ZNF121: variants seen among roughly 807,000 people sequenced by gnomAD.
ZNF121 encodes the protein zinc finger protein 121, also known as zinc finger protein 121 (clone ZHC32).
Under a neutral mutation model 2.4 loss-of-function variants are expected in ZNF121, and 1 was observed. That is an observed-to-expected ratio of 0.41 (90% CI 0.15 to 1.94). The LOEUF is 1.94. ZNF121 is among the 30% of genes most tolerant of loss of function. ZNF121 has a pLI of 0.30. For missense variants in ZNF121, 369 were observed against 466.3 expected, an observed-to-expected ratio of 0.79 and a Z score of 1.92; for synonymous variants, 173 against 158.6, an observed-to-expected ratio of 1.09 and a Z score of -0.68.
At chr19:9,568,027 T>G in intron 3 of ZNF121, 68 bp downstream of exon 3, 4 of 1,480,482 alleles carry the variant, frequency 2.7e-6, no homozygotes, top group Non-Finnish European at 3.7e-6. Context: ...TCTCTCATTT[T>G]TGCTGATTTT....
intron 1 of ZNF121, among the ~76,000 whole-genome samples, chr19:9,572,522 T>C (rs1199119021): frequency 6.6e-6 from 1 of 152,156 alleles, no homozygotes. Context: ...AACTCTGTTT[T>C]ATAACTTGGC....
In ZNF121 at chr19:9,562,355, G is replaced by A. The variant is rs1487451251; in HGVS notation, c.*3585C>T. 4.3e-5 allele frequency: 8 copies of A among 183,958 alleles called. No homozygotes were observed. Among genetic ancestry groups the A allele is most frequent in the African/African-American group, 7.2e-5 (3 of 41,918 alleles). 11.4% of individuals were successfully genotyped at this position (183,958 alleles called of 1,614,324 possible). On this transcript the variant is annotated 3_prime_UTR_variant, in exon 4 of 4. Transcript: ENST00000320451. Reference sequence around the variant, plus strand: ...AATTTTTTGTATTTTTAGTAGAGACGGGGTTTCACCATGGTGGCCAGGCTG... The same window carrying A: ...AATTTTTTGTATTTTTAGTAGAGACAGGGTTTCACCATGGTGGCCAGGCTG...
Position 9,560,386 on chromosome 19 carries a change from C to T in ZNF121, c.*5554G>A, listed in dbSNP as rs2074094552. The T allele has an allele frequency of 6.6e-6, 1 of 152,162 alleles. No homozygotes were observed. The highest frequency in any genetic ancestry group is 2.1e-4 in the South Asian group (1 of 4,836). 9.4% of individuals were successfully genotyped at this position (152,162 alleles called of 1,614,324 possible). A position where few individuals can be genotyped will look rare whatever the true frequency, so the allele number is the denominator to read the frequency against. ...CACATAAAATTTACCCTTTCACATA[C>T]TTTGTGTGTACCGAAGAGTATTGTT... On this transcript the variant is annotated 3_prime_UTR_variant, in exon 4 of 4. Transcript: ENST00000320451.
Position 9,560,420 on chromosome 19 carries a change from G to T in ZNF121, c.*5520C>A, listed in dbSNP as rs1006006128. On this transcript the variant is annotated 3_prime_UTR_variant, in exon 4 of 4. Coordinates refer to ENST00000320451, the MANE Select transcript of ZNF121 (RefSeq NM_001008727.5). ...TACCGAAGAGTATTGTTAACTATAG[G>T]CATATTTTTATACAACAAATCTCAA... 6.6e-6 allele frequency: 1 copy of T among 151,954 alleles called. No individual in the cohort carries two copies. The highest frequency in any genetic ancestry group is 6.6e-5 in the Admixed American group (1 of 15,256). The allele number at this position is 151,954 out of a possible 1,614,324, so 9.4% of individuals were successfully genotyped here.
chr19:9,572,712 G>A (rs2074182597), intron 1 of ZNF121, among the ~76,000 whole-genome samples: 1 of 152,194 alleles, frequency 6.6e-6, no homozygotes, highest in African/African-American at 2.4e-5. Context: ...AAAGGCAAAC[G>A]TGGGTTTAAG....
chr19:9,562,858 C>T lies in ZNF121; in HGVS notation c.*3082G>A, dbSNP rs2074108101. 1 of 139,608 alleles carries T rather than the reference C, an allele frequency of 7.2e-6. No homozygotes were observed. 8.6% of individuals were successfully genotyped at this position (139,608 alleles called of 1,614,324 possible). A position where few individuals can be genotyped will look rare whatever the true frequency, so the allele number is the denominator to read the frequency against. ...CTTGAGGTTTTAAGTTCAAGATCAG[C>T]CGGGTAAACAGTAAAGTCCTGCCTC... On this transcript the variant is annotated 3_prime_UTR_variant, in exon 4 of 4. Transcript: ENST00000320451.
Position 9,566,963 on chromosome 19 carries a change from C to T in ZNF121, c.150G>A (p.Met50Ile). 6.2e-7 allele frequency: 1 copy of T among 1,614,204 alleles called. No homozygotes were observed. Among genetic ancestry groups the T allele is most frequent in the Non-Finnish European group, 8.5e-7 (1 of 1,180,034 alleles). ...CTCCAGCAGGGGCACTGTTGTGTAA[C>T]ATGGGAAAGTTTTCTCCATACTCAT... is the stretch of plus-strand genomic sequence containing the variant. ...DCDEYGENFP[M>I]LHNSAPAGET... Residue 50 changes from methionine (M) to isoleucine (I), a missense_variant, in exon 4 of 4, where the codon ATG becomes ATA. Met to Ile is a conservative substitution (Grantham distance 10, BLOSUM62 1). Transcript: ENST00000320451.
chr19:9,569,455 T>A (rs553592095), intron 1 of ZNF121, among the ~76,000 whole-genome samples: 1 of 151,750 alleles, frequency 6.6e-6, no homozygotes, highest in South Asian at 2.1e-4. Context: ...TTAAAAAAAA[T>A]AAAATAAAAA....
Position 9,566,069 on chromosome 19 carries a change from G to A in ZNF121, c.1044C>T (p.Thr348=). Residue 348 remains threonine, a synonymous_variant, in exon 4 of 4, where the codon ACC becomes ACT. Transcript: ENST00000320451. ...TCTGTAGATGTGAAGAAGCACGGAA[G>A]GTTTTCCCACATTCCTTACATATAT... ...KPYICKECGK[T]FRASSHLQKH... 1.9e-6 allele frequency: 3 copies of A among 1,613,926 alleles called. No homozygotes were observed. The highest frequency in any genetic ancestry group is 2.5e-6 in the Non-Finnish European group (3 of 1,179,960).
In ZNF121 at chr19:9,565,816, A is replaced by C. The variant is rs2074127492; in HGVS notation, c.*124T>G. The C allele has an allele frequency of 1.4e-6, 1 of 698,172 alleles. No homozygotes were observed. The allele number at this position is 698,172 out of a possible 1,614,324, so 43.2% of individuals were successfully genotyped here. On this transcript the variant is annotated 3_prime_UTR_variant, in exon 4 of 4. Coordinates refer to ENST00000320451, the MANE Select transcript of ZNF121 (RefSeq NM_001008727.5). Reference sequence around the variant, plus strand: ...CATGTCTTCGAAGTGAATGGGGATAACTGAAGGCCTCCTCACATTCTTTGT... The same window carrying C: ...CATGTCTTCGAAGTGAATGGGGATACCTGAAGGCCTCCTCACATTCTTTGT...
intron 1 of ZNF121, among the ~76,000 whole-genome samples, chr19:9,574,709 CA>C (rs1408302762): frequency 1.6e-4 from 24 of 152,272 alleles, no homozygotes; most frequent in African/African-American, 5.5e-4. Flanking sequence ...CTGAGAAAGG[CA>C]AAAACATCTT....
At chr19:9,567,688 G>A in intron 3 of ZNF121, 2 of 337,704 alleles carry the variant, frequency 5.9e-6, no homozygotes, top group Non-Finnish European at 1.2e-5. Flanking sequence ...TTGTTTTCCT[G>A]CAACTAGACA....
intron 1 of ZNF121, among the ~76,000 whole-genome samples, chr19:9,575,812 T>C (rs2074206575): frequency 6.6e-6 from 1 of 151,958 alleles, no homozygotes; most frequent in African/African-American, 2.4e-5. Flanking sequence ...ATATAACAAC[T>C]GTCAATATTT....
intron 1 of ZNF121, among the ~76,000 whole-genome samples, chr19:9,575,226 C>A (rs2074202111): frequency 6.6e-6 from 1 of 151,990 alleles, no homozygotes. Flanking sequence ...TAGAGACCAG[C>A]GTGGTCAACA....
In ZNF121 at chr19:9,582,822, G is replaced by GA. The variant is rs1020111735; in HGVS notation, c.-160+1638dup. Among the ~76,000 whole-genome samples, 12 of 147,810 alleles carry GA rather than the reference G, an allele frequency of 8.1e-5. No homozygotes were observed. In the South Asian group the frequency reaches 2.3e-3, roughly 29 times the overall value. On this transcript the variant is annotated intron_variant, in intron 1 of 3. Transcript: ENST00000320451. ...GTTTTCCCTAGGATCAAATTTTTCA[G>GA]AAAAAAATGTCAAAACTACACTTAG... is the stretch of plus-strand genomic sequence containing the variant.
chr19:9,566,698 T>C lies in ZNF121; in HGVS notation c.415A>G (p.Thr139Ala). Residue 139 changes from threonine (T) to alanine (A), a missense_variant, in exon 4 of 4, where the codon ACT (threonine) becomes GCT (alanine). Physicochemically the swap from Thr to Ala is moderately conservative, Grantham distance 58. Coordinates refer to ENST00000320451, the MANE Select transcript of ZNF121 (RefSeq NM_001008727.5). ...TSHAVSVKMH[T>A]VEKPYECKEC... ...TTACATTCGTAGGGTTTTTCTACAG[T>C]ATGCATTTTAACAGACACAGCATGG... 10 of 1,614,216 alleles carry C rather than the reference T, an allele frequency of 6.2e-6. No homozygotes were observed. Among genetic ancestry groups the C allele is most frequent in the Non-Finnish European group, 8.5e-6 (10 of 1,180,032 alleles).
chr19:9,569,926 ATC>A (rs951051153), intron 1 of ZNF121, among the ~76,000 whole-genome samples: 6 of 140,336 alleles, frequency 4.3e-5, no homozygotes, highest in South Asian at 2.3e-4. Flanking sequence ...GTAGTATTAC[ATC>A]TCTCTCTCTC....
chr19:9,568,181 G>T lies in ZNF121; in HGVS notation c.-78-6C>A. On this transcript the variant is annotated splice_region_variant and splice_polypyrimidine_tract_variant and intron_variant, in intron 2 of 3. Transcript: ENST00000320451. ...TTTGGTTTTAACTTGCCATTCTGAA[G>T]TAAAACAGAAAAAAAGAAAAAAAAA... 7.2e-7 allele frequency: 1 copy of T among 1,394,200 alleles called. No individual in the cohort carries two copies. Among genetic ancestry groups the T allele is most frequent in the Admixed American group, 2.4e-5 (1 of 40,894 alleles). The allele number at this position is 1,394,200 out of a possible 1,614,324, so 86.4% of individuals were successfully genotyped here.
rs188427256 is a variant in ZNF121 at position 9,561,384 on chromosome 19, T to G, written c.*4556A>C. The G allele has an allele frequency of 6.6e-6, 1 of 152,204 alleles. No homozygotes were observed. Among genetic ancestry groups the G allele is most frequent in the South Asian group, 2.1e-4 (1 of 4,830 alleles). The allele number at this position is 152,204 out of a possible 1,614,324, so 9.4% of individuals were successfully genotyped here. ...ACCCATGAAATAAGGAGAATACATT[T>G]TTAAAGATTCAGAAGATAGCTTGAT... is the stretch of plus-strand genomic sequence containing the variant. On this transcript the variant is annotated 3_prime_UTR_variant, in exon 4 of 4. Transcript: ENST00000320451.
Sources: gnomAD v4.1 joint callset for allele counts (sites outside exome capture counted in the v4.1 genomes callset) on GRCh38, gnomAD v4.1.1 for gene constraint, MANE v1.5 for transcripts, NCBI Gene and HGNC (gene_info 2026-07-23, HGNC 2026-07-21) for gene names.